Variants in PTPRZ1 observed in about 807,000 individuals in gnomAD.
PTPRZ1 encodes receptor-type tyrosine-protein phosphatase zeta.
Under a neutral mutation model 214.1 loss-of-function variants are expected in PTPRZ1, and 82 were observed. That is an observed-to-expected ratio of 0.38 (90% CI 0.32 to 0.46). The LOEUF (loss-of-function observed/expected upper bound fraction) is 0.46. PTPRZ1 is among the 20% of genes least tolerant of loss of function. The probability of loss-of-function intolerance (pLI) is 1.00; values close to 1 mark genes in which losing one functional copy is unlikely to be tolerated. For missense variants in PTPRZ1, 2,603 were observed against 2,748.7 expected (o/e 0.95, Z 1.19); for synonymous variants, 945 against 987.9 (o/e 0.96, Z 0.81).
chr7:121,976,772 T>C lies in PTPRZ1; in HGVS notation c.553-13T>C, dbSNP rs769169164. 3.3e-5 allele frequency: 52 copies of C among 1,577,718 alleles called. No individual in the cohort carries two copies. In the East Asian group the frequency reaches 1.0e-3, roughly 30 times the overall value. On this transcript the variant is annotated splice_polypyrimidine_tract_variant and intron_variant, in intron 5 of 29. Transcript: ENST00000393386. ...TTTTATTCTTTTTTTAGAATGTGAT[T>C]CTTTTTTAACAGGTTGGGACAGAAG... is the stretch of plus-strand genomic sequence containing the variant.
intron 12 of PTPRZ1, 59 bp from the exon 13 acceptor site, chr7:122,019,065 A>C (rs1798933895): frequency 1.3e-6 from 2 of 1,491,388 alleles, no homozygotes; most frequent in Admixed American, 2.0e-5. Context: ...TCAGTTGAAA[A>C]ATGCTGTGAC....
At chr7:121,944,960 A>G (rs1796330874) in intron 2 of PTPRZ1, among the ~76,000 whole-genome samples, 2 of 152,214 alleles carry the variant, frequency 1.3e-5, no homozygotes, top group African/African-American at 4.8e-5. Context: ...ATTTTTTGTC[A>G]TTGGGCTCCA....
At chr7:121,881,967 A>C (rs997070377) in intron 1 of PTPRZ1, among the ~76,000 whole-genome samples, 3 of 152,188 alleles carry the variant, frequency 2.0e-5, no homozygotes, top group Non-Finnish European at 4.4e-5. Context: ...TTATGAAATA[A>C]ATATTAAGAT....
At position 122,039,454 on chromosome 7, in the gene PTPRZ1, A is replaced by C; in HGVS notation, c.5503A>C (p.Arg1835=). 6.2e-7 allele frequency: 1 copy of C among 1,605,740 alleles called. No homozygotes were observed. Among genetic ancestry groups the C allele is most frequent in the Non-Finnish European group, 8.5e-7 (1 of 1,178,104 alleles). ...MITNLVEKGR[R]KCDQYWPADG... is the part of the protein sequence containing the mutation. ...GTAACATCTACATTTTCTTTTGCAG[A>C]GAAAATGTGATCAGTACTGGCCTGC... The change falls in exon 20 of 30, where the codon AGA becomes CGA. Residue 1835 remains arginine (R), a splice_region_variant and synonymous_variant. Transcript: ENST00000393386.
At chr7:121,998,912 G>C (rs1053107996) in intron 10 of PTPRZ1, among the ~76,000 whole-genome samples, 1 of 151,992 alleles carries the variant, frequency 6.6e-6, no homozygotes, top group Non-Finnish European at 1.5e-5. Flanking sequence ...GCCTATTTTA[G>C]TTTTACCTAT....
At chr7:122,024,471 T>C (rs1027033388) in intron 13 of PTPRZ1, among the ~76,000 whole-genome samples, 1 of 152,120 alleles carries the variant, frequency 6.6e-6, no homozygotes, top group African/African-American at 2.4e-5. Flanking sequence ...TAACCCAGAA[T>C]GGAGGTCTTC....
chr7:122,039,007 T>A, intron 19 of PTPRZ1, 118 bp downstream of exon 19: 3 of 1,096,682 alleles, frequency 2.7e-6, no homozygotes, highest in Non-Finnish European at 4.0e-6. Context: ...TGGGATTCTT[T>A]TTTAGTAAAT....
At chr7:121,962,351 G>C (rs1796905285) in intron 2 of PTPRZ1, among the ~76,000 whole-genome samples, 1 of 151,564 alleles carries the variant, frequency 6.6e-6, no homozygotes, top group South Asian at 2.1e-4. Context: ...AGGAGGCTGA[G>C]ACAGGAGAAT....
intron 1 of PTPRZ1, among the ~76,000 whole-genome samples, chr7:121,881,184 C>T (rs1170231971): frequency 6.6e-6 from 1 of 152,154 alleles, no homozygotes; most frequent in African/African-American, 2.4e-5. Context: ...TCTCTATTCA[C>T]CATGTAAAGA....
chr7:121,947,743 C>T (rs1012589605), intron 2 of PTPRZ1, among the ~76,000 whole-genome samples: 8 of 152,078 alleles, frequency 5.3e-5, no homozygotes, highest in Admixed American at 4.6e-4. Context: ...GTTTATTAGC[C>T]TCTATTTGAA....
chr7:121,879,339 G>A (rs1388108193), intron 1 of PTPRZ1, among the ~76,000 whole-genome samples: 5 of 152,162 alleles, frequency 3.3e-5, no homozygotes, highest in African/African-American at 1.2e-4. Flanking sequence ...CTGCTCTGGT[G>A]TTGGGGAGGA....
rs76910894 is a variant in PTPRZ1 at position 121,892,095 on chromosome 7, C to T, written c.58+18538C>T. ...TATTTGTATTTTTTATGTCTTAGCG[C>T]TTATAGTTTGTTGCTTTATACCATA... On this transcript the variant is annotated intron_variant, in intron 1 of 29. Transcript: ENST00000393386. Among the ~76,000 whole-genome samples, 1,165 of 152,120 alleles carry T rather than the reference C, an allele frequency of 7.7e-3. 11 individuals are homozygous for T. Among genetic ancestry groups the T allele is most frequent in the South Asian group, 0.032 (152 of 4,824 alleles).
At chr7:121,962,142 T>C (rs1261417102) in intron 2 of PTPRZ1, among the ~76,000 whole-genome samples, 1 of 152,112 alleles carries the variant, frequency 6.6e-6, no homozygotes, top group Non-Finnish European at 1.5e-5. Flanking sequence ...CATATTAATT[T>C]GGGAATTCAA....
At chr7:121,902,858 A>G (rs1345260463) in intron 1 of PTPRZ1, among the ~76,000 whole-genome samples, 9 of 152,170 alleles carry the variant, frequency 5.9e-5, no homozygotes, top group Non-Finnish European at 1.5e-5. Flanking sequence ...CTTCATGCCT[A>G]CAATGAAGCA....
intron 2 of PTPRZ1, among the ~76,000 whole-genome samples, chr7:121,963,637 G>T (rs71571049): frequency 0.06 from 9,182 of 152,124 alleles, 327 homozygotes; most frequent in Non-Finnish European, 0.085. Flanking sequence ...ATTATAATGA[G>T]CATAGGGTCA....
At chr7:122,051,076 A>G (rs554393518) in intron 23 of PTPRZ1, among the ~76,000 whole-genome samples, 6 of 152,328 alleles carry the variant, frequency 3.9e-5, no homozygotes, top group African/African-American at 9.6e-5. Flanking sequence ...ATATATGTAT[A>G]TACACACACA....
chr7:122,051,296 A>G (rs1171190801), intron 23 of PTPRZ1, 132 bp from the exon 24 acceptor site: 1 of 512,562 alleles, frequency 2.0e-6, no homozygotes, highest in Non-Finnish European at 3.3e-6. Context: ...GTTGGAAAAC[A>G]TTTCATATAT....
At chr7:122,023,754 TA>T (rs1562868763) in intron 13 of PTPRZ1, among the ~76,000 whole-genome samples, 7 of 136,986 alleles carry the variant, frequency 5.1e-5, no homozygotes, top group South Asian at 2.1e-4. Flanking sequence ...TAATTATATA[TA>T]TAATGTATAA....
intron 23 of PTPRZ1, among the ~76,000 whole-genome samples, chr7:122,048,763 A>C (rs1434810142): frequency 6.6e-6 from 1 of 152,174 alleles, no homozygotes; most frequent in African/African-American, 2.4e-5. Context: ...CCCACCTTCA[A>C]AATATAACCA....
Sources: gnomAD v4.1 joint callset for allele counts (sites outside exome capture counted in the v4.1 genomes callset) on GRCh38, gnomAD v4.1.1 for gene constraint, MANE v1.5 for transcripts, NCBI Gene and HGNC (gene_info 2026-07-23, HGNC 2026-07-21) for gene names.